The following WIPF1 variants were observed in gnomAD, a reference collection of about 807,000 sequenced individuals.
WIPF1 encodes WAS/WASL interacting protein family member 1.
A neutral mutation model predicts 35.4 loss-of-function variants in WIPF1; 13 were observed. That is an observed-to-expected ratio of 0.37 (90% CI 0.24 to 0.58). The LOEUF (loss-of-function observed/expected upper bound fraction) is 0.58, where lower values mean the gene tolerates loss of function less well. Ranked by LOEUF, WIPF1 falls within the 20% of genes least tolerant of loss-of-function variation. WIPF1 has a pLI of 0.74. For synonymous variants in WIPF1, 267 were observed against 266.3 expected (o/e 1.00, Z -0.02); for missense variants, 591 against 667.0 (o/e 0.89, Z 1.25).
Position 174,567,915 on chromosome 2 carries a change from G to A in WIPF1, c.1288C>T (p.Pro430Ser). The A allele has an allele frequency of 6.2e-7, 1 of 1,612,824 alleles. No homozygotes were observed. Among genetic ancestry groups the A allele is most frequent in the Non-Finnish European group, 8.5e-7 (1 of 1,179,334 alleles). The part of the protein sequence containing the change: ...PDRPSAGAPP[P>S]PPPSTSIRNG... ...CTAATAGATGTTGATGGTGGAGGTGGGGGAGGTGCCCCAGCACTGGGCCTA... is the reference window on the plus strand; with the variant it reads ...CTAATAGATGTTGATGGTGGAGGTGAGGGAGGTGCCCCAGCACTGGGCCTA... Residue 430 changes from proline to serine, a missense_variant, in exon 6 of 8, where the codon CCA (proline) becomes TCA (serine). This residue lies in a region of WIPF1 where 117 missense variants were observed against 149.6 expected (regional missense o/e 0.78). Coordinates refer to ENST00000679041, the MANE Select transcript of WIPF1 (RefSeq NM_001375834.1).
At chr2:174,652,492 G>A (rs1687551701) in intron 1 of WIPF1, among the ~76,000 whole-genome samples, 1 of 152,162 alleles carries the variant, frequency 6.6e-6, no homozygotes, top group Non-Finnish European at 1.5e-5. Context: ...TACAACTGGT[G>A]GAAAATCTGT....
chr2:174,614,562 A>T (rs1328122538), intron 1 of WIPF1, among the ~76,000 whole-genome samples: 4 of 152,206 alleles, frequency 2.6e-5, no homozygotes, highest in Non-Finnish European at 5.9e-5. Flanking sequence ...TTCTGCCACC[A>T]CAAGCTGATG....
chr2:174,612,062 C>T (rs545910391), intron 1 of WIPF1, among the ~76,000 whole-genome samples: 4 of 152,064 alleles, frequency 2.6e-5, no homozygotes, highest in Admixed American at 6.6e-5. Flanking sequence ...CTAATTTTTA[C>T]AAATTTTTTA....
At chr2:174,641,548 T>G (rs1346989366) in intron 1 of WIPF1, among the ~76,000 whole-genome samples, 1 of 152,236 alleles carries the variant, frequency 6.6e-6, no homozygotes, top group African/African-American at 2.4e-5. Context: ...ATCTTTTTTC[T>G]TTTAATGGAC....
rs1458821118 is a variant in WIPF1 at position 174,560,607 on chromosome 2, AG to A, written c.*1939del. 1 of 152,616 alleles carries A rather than the reference AG, an allele frequency of 6.6e-6. No homozygotes were observed. The highest frequency in any genetic ancestry group is 2.4e-5 in the African/African-American group (1 of 41,460). The allele number at this position is 152,616 out of a possible 1,614,324, so 9.5% of individuals were successfully genotyped here. A position where few individuals can be genotyped will look rare whatever the true frequency, so the allele number is the denominator to read the frequency against. ...TTTTTAAAAAGCCAACACTTTGCCAAGCTTGTTATACCTTATTATTTCTTGA... is the reference window on the plus strand; with the variant it reads ...TTTTTAAAAAGCCAACACTTTGCCAACTTGTTATACCTTATTATTTCTTGA... On this transcript the variant is annotated 3_prime_UTR_variant, in exon 8 of 8. Coordinates refer to ENST00000679041, the MANE Select transcript of WIPF1 (RefSeq NM_001375834.1).
intron 1 of WIPF1, among the ~76,000 whole-genome samples, chr2:174,650,245 G>A (rs1252544541): frequency 2.0e-5 from 3 of 152,158 alleles, no homozygotes; most frequent in Non-Finnish European, 4.4e-5. Context: ...CTCCTTCTGG[G>A]TGGGGAAAAT....
intron 1 of WIPF1, among the ~76,000 whole-genome samples, chr2:174,641,832 T>C (rs1202138528): frequency 6.6e-6 from 1 of 152,240 alleles, no homozygotes; most frequent in East Asian, 1.9e-4. Flanking sequence ...TTTATATACA[T>C]ATTTTCATTT....
rs187919751 is a variant in WIPF1, at chr2:174,562,730, G to A, written c.1457-128C>T. On this transcript the variant is annotated intron_variant, in intron 7 of 7. Transcript: ENST00000679041. The stretch of plus-strand genomic sequence containing the variant: ...TGACCAGGGCTGTCAGCTAACTGGC[G>A]TATGTTGTGGATGAGAAGTGAGAGG... 32 of 1,219,346 alleles carry A rather than the reference G, an allele frequency of 2.6e-5. No homozygotes were observed. In the Middle Eastern group the frequency reaches 5.7e-4, roughly 22 times the overall value. 75.5% of individuals were successfully genotyped at this position (1,219,346 alleles called of 1,614,324 possible).
chr2:174,583,078 A>C (rs913713786), intron 2 of WIPF1, among the ~76,000 whole-genome samples: 1 of 152,206 alleles, frequency 6.6e-6, no homozygotes, highest in Non-Finnish European at 1.5e-5. Context: ...CTACAAGCTG[A>C]TAGAAGGATA....
chr2:174,646,673 G>A (rs1687415554), intron 1 of WIPF1, among the ~76,000 whole-genome samples: 1 of 152,120 alleles, frequency 6.6e-6, no homozygotes, highest in African/African-American at 2.4e-5. Flanking sequence ...CGCCCAGGCT[G>A]GAGTGCAATC....
chr2:174,615,759 T>C (rs1345191525), intron 1 of WIPF1, among the ~76,000 whole-genome samples: 2 of 152,240 alleles, frequency 1.3e-5, no homozygotes, highest in Non-Finnish European at 2.9e-5. Context: ...GGAATTCTTA[T>C]AAAGAGAAGA....
chr2:174,611,514 G>A (rs1038102437), intron 1 of WIPF1, among the ~76,000 whole-genome samples: 1 of 152,178 alleles, frequency 6.6e-6, no homozygotes. Context: ...TCAGGAGGAG[G>A]AGGAGGGAGG....
chr2:174,583,810 C>A (rs1245063929), intron 2 of WIPF1, among the ~76,000 whole-genome samples: 3 of 151,992 alleles, frequency 2.0e-5, no homozygotes, highest in African/African-American at 7.2e-5. Context: ...TGTGAAGGAC[C>A]AACTTTTTTT....
At chr2:174,634,966 G>A (rs1687142380) in intron 1 of WIPF1, among the ~76,000 whole-genome samples, 1 of 152,148 alleles carries the variant, frequency 6.6e-6, no homozygotes, top group Admixed American at 6.5e-5. Context: ...ACAGCCCCTG[G>A]GACTGCCACC....
chr2:174,669,526 T>C (rs562454662), intron 1 of WIPF1, among the ~76,000 whole-genome samples: 29 of 152,230 alleles, frequency 1.9e-4, no homozygotes, highest in Non-Finnish European at 3.8e-4. Flanking sequence ...TTGCTGCAAT[T>C]ATCTGCTATC....
Position 174,572,088 on chromosome 2 carries a change from G to A in WIPF1, c.717C>T (p.Pro239=), listed in dbSNP as rs573445151. Residue 239 remains proline (P), a synonymous_variant, in exon 5 of 8, where the codon CCC becomes CCT. Coordinates refer to ENST00000679041, the MANE Select transcript of WIPF1 (RefSeq NM_001375834.1). ...TGGAGAAGGGCGAGGAGGAGCTCAA[G>A]GGGGACTGACGTATTGAGCCTCCTC... The part of the protein sequence containing the change: ...ALGGGSIRQS[P]LSSSSPFSNR... 136 of 1,582,340 alleles carry A rather than the reference G, an allele frequency of 8.6e-5. 2 individuals are homozygous for A. In the South Asian group the frequency reaches 1.6e-3, roughly 18 times the overall value.
intron 1 of WIPF1, among the ~76,000 whole-genome samples, chr2:174,585,892 C>T (rs114557043): frequency 0.012 from 1,845 of 152,210 alleles, 42 homozygotes; most frequent in African/African-American, 0.043. Context: ...CCCAGGTGGG[C>T]CCAGTTAAGC....
chr2:174,609,920 T>C (rs1325341836), intron 1 of WIPF1, among the ~76,000 whole-genome samples: 1 of 152,200 alleles, frequency 6.6e-6, no homozygotes, highest in Non-Finnish European at 1.5e-5. Flanking sequence ...ACCAAACATA[T>C]CACAGAGGCG....
At chr2:174,649,988 A>G (rs1433913981) in intron 1 of WIPF1, among the ~76,000 whole-genome samples, 1 of 152,156 alleles carries the variant, frequency 6.6e-6, no homozygotes, top group East Asian at 1.9e-4. Flanking sequence ...TAAATTCTAA[A>G]TCACCCTTCT....
Sources: allele counts gnomAD v4.1 joint callset (sites outside exome capture counted in the v4.1 genomes callset), GRCh38; gene constraint gnomAD v4.1.1; regional missense constraint gnomAD v4.1.1; transcripts MANE v1.5; gene names NCBI Gene and HGNC (gene_info 2026-07-23, HGNC 2026-07-21).